Variants in SPATS2 observed in about 807,000 individuals in gnomAD.
SPATS2 encodes the protein spermatogenesis associated serine rich 2, also known as spermatogenesis-associated serine-rich protein 2.
A neutral mutation model predicts 63.7 loss-of-function variants in SPATS2; 38 were observed. The observed-to-expected ratio is 0.60, with a 90% CI of 0.46 to 0.78. The LOEUF (loss-of-function observed/expected upper bound fraction) is 0.78, where lower values mean the gene tolerates loss of function less well. SPATS2 is among the 30% of genes least tolerant of loss of function. SPATS2 has a pLI of 0.00. For missense variants in SPATS2, 588 were observed against 666.2 expected (o/e 0.88, Z 1.29); for synonymous variants, 207 against 232.9 (o/e 0.89, Z 1.01).
At chr12:49,421,800 G>A (rs1476845373) in intron 2 of SPATS2, among the ~76,000 whole-genome samples, 2 of 152,148 alleles carry the variant, frequency 1.3e-5, no homozygotes, top group African/African-American at 4.8e-5. Flanking sequence ...TCAGATTAGT[G>A]TTGAATTTGG....
chr12:49,443,091 A>C (rs1261971979), intron 2 of SPATS2, among the ~76,000 whole-genome samples: 1 of 152,128 alleles, frequency 6.6e-6, no homozygotes, highest in Non-Finnish European at 1.5e-5. Context: ...CTTCCTCTTT[A>C]AGGCCGAATA....
At chr12:49,411,057 C>T (rs1174856402) in intron 2 of SPATS2, among the ~76,000 whole-genome samples, 1 of 151,756 alleles carries the variant, frequency 6.6e-6, no homozygotes, top group East Asian at 1.9e-4. Flanking sequence ...TGTGGGCAAG[C>T]GAAAACCTTT....
chr12:49,484,452 T>G lies in SPATS2; in HGVS notation c.26-138T>G. The G allele has an allele frequency of 6.2e-6, 4 of 645,070 alleles. No homozygotes were observed. The East Asian group carries it at 8.3e-5, about 13-fold the overall frequency. 40.0% of individuals were successfully genotyped at this position (645,070 alleles called of 1,614,324 possible). A position where few individuals can be genotyped will look rare whatever the true frequency, so the allele number is the denominator to read the frequency against. On this transcript the variant is annotated intron_variant, in intron 3 of 13. Transcript: ENST00000552918. ...TCAAAAGGCAGTTATATGTTATCTA[T>G]GTAACAGAATTTGCCAAATAGCAAC...
chr12:49,389,380 C>CGT (rs1944379578), intron 2 of SPATS2: 2 of 546,780 alleles, frequency 3.7e-6, no homozygotes, highest in Admixed American at 3.3e-5. Context: ...GGTTCAGCGT[C>CGT]TGCTAACTGA....
chr12:49,402,635 C>A (rs1419845172), intron 2 of SPATS2, among the ~76,000 whole-genome samples: 1 of 152,044 alleles, frequency 6.6e-6, no homozygotes, highest in Non-Finnish European at 1.5e-5. Context: ...ACATTGAAAT[C>A]GCCTGGAATG....
chr12:49,415,581 A>G (rs1484952347), intron 2 of SPATS2, among the ~76,000 whole-genome samples: 1 of 152,134 alleles, frequency 6.6e-6, no homozygotes, highest in African/African-American at 2.4e-5. Context: ...CTGTCAGTTC[A>G]TTAATTATAT....
At chr12:49,510,932 A>G (rs921624826) in intron 9 of SPATS2, among the ~76,000 whole-genome samples, 11 of 152,188 alleles carry the variant, frequency 7.2e-5, no homozygotes, top group African/African-American at 2.7e-4. Context: ...GCTTTAGGAT[A>G]AATTGGGTGG....
rs770209714 is a variant in SPATS2, at chr12:49,497,487, C to T, written c.703+478C>T. ...TTGGCTCACTGCAAGCTCCGCCTCCCGGGTTCATGCCATTCTCCTGCCTCA... is the reference window on the plus strand; with the variant it reads ...TTGGCTCACTGCAAGCTCCGCCTCCTGGGTTCATGCCATTCTCCTGCCTCA... On this transcript the variant is annotated intron_variant, in intron 8 of 13. Coordinates refer to ENST00000552918, the MANE Select transcript of SPATS2 (RefSeq NM_023071.4). Among the ~76,000 whole-genome samples, 8 of 151,760 alleles carry T rather than the reference C, an allele frequency of 5.3e-5. No homozygotes were observed. The East Asian group carries it at 9.7e-4, about 18-fold the overall frequency.
chr12:49,503,702 G>C (rs1389056306), intron 9 of SPATS2, among the ~76,000 whole-genome samples: 4 of 151,956 alleles, frequency 2.6e-5, no homozygotes, highest in African/African-American at 9.7e-5. Context: ...TCACAACTTT[G>C]CTTTGATAAG....
intron 2 of SPATS2, among the ~76,000 whole-genome samples, chr12:49,448,012 T>C (rs564478570): frequency 2.6e-5 from 4 of 151,916 alleles, no homozygotes; most frequent in South Asian, 4.1e-4. Context: ...GCTTTTCTTT[T>C]TCTAATTTCT....
intron 2 of SPATS2, among the ~76,000 whole-genome samples, chr12:49,429,786 C>T (rs1364031572): frequency 1.6e-5 from 2 of 126,550 alleles, no homozygotes; most frequent in East Asian, 2.3e-4. Flanking sequence ...TCTTCTTCTT[C>T]TTTTTTTTTT....
intron 2 of SPATS2, among the ~76,000 whole-genome samples, chr12:49,440,452 C>T (rs953481876): frequency 4.0e-5 from 6 of 150,922 alleles, no homozygotes; most frequent in Non-Finnish European, 8.8e-5. Context: ...TTCAATTTTT[C>T]GTTGAATTTC....
chr12:49,514,349 G>A, intron 9 of SPATS2: 1 of 525,374 alleles, frequency 1.9e-6, no homozygotes, highest in South Asian at 2.5e-5. Flanking sequence ...AAGGGAATTG[G>A]GTCTATTTAT....
intron 2 of SPATS2, among the ~76,000 whole-genome samples, chr12:49,430,172 C>T (rs1409017348): frequency 1.4e-5 from 2 of 141,620 alleles, no homozygotes; most frequent in East Asian, 2.0e-4. Flanking sequence ...GTGATCTTGG[C>T]GCACTGCAAG....
At chr12:49,523,447 A>T (rs1946976318) in intron 12 of SPATS2, among the ~76,000 whole-genome samples, 1 of 152,030 alleles carries the variant, frequency 6.6e-6, no homozygotes, top group African/African-American at 2.4e-5. Flanking sequence ...GTGAGCTATG[A>T]TTGCCACTGC....
At chr12:49,517,802 G>A (rs1946875653) in intron 10 of SPATS2, among the ~76,000 whole-genome samples, 1 of 152,122 alleles carries the variant, frequency 6.6e-6, no homozygotes, top group African/African-American at 2.4e-5. Context: ...CGTTTCATCT[G>A]TAGCAAAGCC....
chr12:49,504,642 A>G (rs1946624529), intron 9 of SPATS2, among the ~76,000 whole-genome samples: 1 of 152,040 alleles, frequency 6.6e-6, no homozygotes, highest in Non-Finnish European at 1.5e-5. Context: ...GATTATCAAG[A>G]AATTTGAGAT....
Position 49,367,793 on chromosome 12 carries a change from G to C in SPATS2, c.-307+206G>C, listed in dbSNP as rs148914046. On this transcript the variant is annotated intron_variant, in intron 1 of 13. Transcript: ENST00000552918. Reference sequence around the variant, plus strand: ...GTGGGGCGGGTGAAACACCCGCGTCGGAGTTGGGGAGTTTCCAGACGGATA... The same window carrying C: ...GTGGGGCGGGTGAAACACCCGCGTCCGAGTTGGGGAGTTTCCAGACGGATA... Among the ~76,000 whole-genome samples the C allele has an allele frequency of 7.1e-3, 1,075 of 151,984 alleles. 9 individuals carry two copies. The highest frequency in any genetic ancestry group is 0.023 in the African/African-American group (938 of 41,376).
intron 9 of SPATS2, among the ~76,000 whole-genome samples, chr12:49,511,806 T>C (rs1273524235): frequency 6.6e-6 from 1 of 152,234 alleles, no homozygotes; most frequent in Non-Finnish European, 1.5e-5. Context: ...TTGTTATCCT[T>C]ACACCTAACC....
Sources: gnomAD v4.1 joint callset for allele counts (sites outside exome capture counted in the v4.1 genomes callset) on GRCh38, gnomAD v4.1.1 for gene constraint, MANE v1.5 for transcripts, NCBI Gene and HGNC (gene_info 2026-07-23, HGNC 2026-07-21) for gene names.